DNAH12: variants seen among roughly 807,000 people sequenced by gnomAD.
DNAH12 encodes dynein axonemal heavy chain 12, also known as axonemal beta dynein heavy chain 12.
DNAH12 carries 285 observed loss-of-function variants against 371.5 expected under a neutral mutation model. The observed-to-expected ratio is 0.77, with a 90% CI of 0.70 to 0.85. The LOEUF is 0.85. Among genes scored for constraint, DNAH12 ranks in the 40% least tolerant of loss-of-function variants. The pLI is 0.00. For synonymous variants in DNAH12, 1,200 were observed against 1,213.0 expected (o/e 0.99, Z 0.22); for missense variants, 3,611 against 3,689.4 (o/e 0.98, Z 0.55).
chr3:57,312,631 T>A (rs1471832658), intron 66 of DNAH12, among the ~76,000 whole-genome samples: 1 of 152,218 alleles, frequency 6.6e-6, no homozygotes, highest in South Asian at 2.1e-4. Context: ...GTTGATGACA[T>A]CAGAAGCTGT....
Position 57,302,766 on chromosome 3 carries a change from G to A in DNAH12, c.11190-827C>T, listed in dbSNP as rs564118464. Among the ~76,000 whole-genome samples, 16 of 148,328 alleles carry A rather than the reference G, an allele frequency of 1.1e-4. No homozygotes were observed. The East Asian group carries it at 3.0e-3, about 27-fold the overall frequency. On this transcript the variant is annotated intron_variant, in intron 69 of 73. Transcript: ENST00000495027. ...AATTTCTGTATTTTTAGTAGAGAAG[G>A]GGTTTCACCATGTTGGCCAGGCTGG...
intron 11 of DNAH12, among the ~76,000 whole-genome samples, chr3:57,499,924 A>C (rs1293354937): frequency 6.6e-6 from 1 of 151,818 alleles, no homozygotes; most frequent in Non-Finnish European, 1.5e-5. Flanking sequence ...AAATCTAAAC[A>C]GTCAATAGAA....
At chr3:57,494,232 A>AAAAAC (rs761376612) in intron 11 of DNAH12, among the ~76,000 whole-genome samples, 13 of 150,194 alleles carry the variant, frequency 8.7e-5, no homozygotes, top group Middle Eastern at 3.4e-3. Context: ...ACCCTGTCTT[A>AAAAAC]AAAACAAAAC....
At chr3:57,318,049 T>C (rs2061725016) in intron 65 of DNAH12, among the ~76,000 whole-genome samples, 1 of 152,184 alleles carries the variant, frequency 6.6e-6, no homozygotes, top group African/African-American at 2.4e-5. Flanking sequence ...AGGTGTTCCA[T>C]ATATATTTTG....
chr3:57,524,460 G>A (rs1332773732), intron 2 of DNAH12, among the ~76,000 whole-genome samples: 4 of 151,996 alleles, frequency 2.6e-5, no homozygotes, highest in Admixed American at 2.6e-4. Context: ...TTTAAATTAA[G>A]TTGTATAATC....
intron 40 of DNAH12, among the ~76,000 whole-genome samples, chr3:57,407,656 T>C (rs2064079971): frequency 6.6e-6 from 1 of 152,016 alleles, no homozygotes; most frequent in Non-Finnish European, 1.5e-5. Flanking sequence ...TTTAAATATA[T>C]TGTTTCCCAT....
At chr3:57,422,231 A>T (rs7611303) in intron 35 of DNAH12, among the ~76,000 whole-genome samples, 3,901 of 147,170 alleles carry the variant, frequency 0.027, 60 homozygotes, top group African/African-American at 0.041. Context: ...ATCAAAAAAA[A>T]TTTTTTTTTC....
At chr3:57,457,677 C>A in intron 22 of DNAH12, 44 bp downstream of exon 22, 2 of 1,485,830 alleles carry the variant, frequency 1.3e-6, no homozygotes, top group South Asian at 2.7e-5. Context: ...TTAAACAAAG[C>A]ATTTGCAGAA....
At chr3:57,401,555 C>A (rs2063862994) in intron 43 of DNAH12, among the ~76,000 whole-genome samples, 2 of 101,804 alleles carry the variant, frequency 2.0e-5, no homozygotes, top group Non-Finnish European at 3.8e-5. Flanking sequence ...CAGAGTGAGA[C>A]TCCATCTCAA....
chr3:57,310,270 A>G (rs1422727474), intron 67 of DNAH12, among the ~76,000 whole-genome samples: 1 of 152,160 alleles, frequency 6.6e-6, no homozygotes, highest in Non-Finnish European at 1.5e-5. Flanking sequence ...TCATGTCTCT[A>G]CAATTTATCA....
intron 41 of DNAH12, 38 bp downstream of exon 41, chr3:57,405,615 C>T: frequency 6.6e-7 from 1 of 1,519,082 alleles, no homozygotes; most frequent in Non-Finnish European, 8.9e-7. Context: ...ATATATGGTA[C>T]TGCTTTAACT....
chr3:57,406,416 G>C (rs2064031615), intron 40 of DNAH12, among the ~76,000 whole-genome samples: 1 of 150,098 alleles, frequency 6.7e-6, no homozygotes, highest in South Asian at 2.1e-4. Context: ...ATAGTACTAA[G>C]CTTAGCATGG....
At chr3:57,325,155 C>T (rs973347548) in intron 62 of DNAH12, among the ~76,000 whole-genome samples, 12 of 152,344 alleles carry the variant, frequency 7.9e-5, no homozygotes, top group African/African-American at 2.6e-4. Context: ...CACAGACAAA[C>T]AAAAAGACAG....
intron 12 of DNAH12, among the ~76,000 whole-genome samples, chr3:57,487,918 T>C (rs937888185): frequency 6.6e-6 from 1 of 152,078 alleles, no homozygotes; most frequent in Non-Finnish European, 1.5e-5. Flanking sequence ...AACTATGGCA[T>C]TGTCATTGTT....
At chr3:57,302,567 A>ATATATATTTTTTTT (rs2061380979) in intron 69 of DNAH12, among the ~76,000 whole-genome samples, 2 of 27,478 alleles carry the variant, frequency 7.3e-5, no homozygotes, top group African/African-American at 1.3e-4. Context: ...ATATATATGT[A>ATATATATTTTTTTT]TTTTTTTTTT....
intron 37 of DNAH12, among the ~76,000 whole-genome samples, chr3:57,417,421 CCT>C (rs2153358648): frequency 6.6e-6 from 1 of 152,036 alleles, no homozygotes; most frequent in East Asian, 1.9e-4. Context: ...CAGAGTGACC[CCT>C]GAGAATTCAT....
In DNAH12 at chr3:57,301,753, G is replaced by A; in HGVS notation, c.11376C>T (p.Ala3792=). 2 of 1,545,220 alleles carry A rather than the reference G, an allele frequency of 1.3e-6. No homozygotes were observed. The highest frequency in any genetic ancestry group is 1.7e-6 in the Non-Finnish European group (2 of 1,144,706). The part of the protein sequence containing the change: ...PLGSYITDFL[A]RLNFLQDWYN... ...ATTTTACCTGTAAAAAGTTCAACCGGGCTAGGAAATCTGTGATGTAACTTC... is the reference window on the plus strand; with the variant it reads ...ATTTTACCTGTAAAAAGTTCAACCGAGCTAGGAAATCTGTGATGTAACTTC... The change falls in exon 70 of 74, where the codon GCC becomes GCT. Residue 3792 remains alanine, a synonymous_variant. Coordinates refer to ENST00000495027, the MANE Select transcript of DNAH12 (RefSeq NM_001366028.2).
At chr3:57,489,369 G>C (rs1049553963) in intron 12 of DNAH12, 140 bp downstream of exon 12, 10 of 747,480 alleles carry the variant, frequency 1.3e-5, no homozygotes, top group Non-Finnish European at 1.9e-5. Context: ...GACTACAAAG[G>C]CACCTCTATA....
intron 1 of DNAH12, 43 bp from the exon 2 acceptor site, chr3:57,542,946 C>T: frequency 7.1e-7 from 1 of 1,406,208 alleles, no homozygotes. Flanking sequence ...TGTCAGCAAG[C>T]CTCGACACAT....
Sources: allele counts gnomAD v4.1 joint callset (sites outside exome capture counted in the v4.1 genomes callset), GRCh38; gene constraint gnomAD v4.1.1; transcripts MANE v1.5; gene names NCBI Gene and HGNC (gene_info 2026-07-23, HGNC 2026-07-21).